Variants in CARD19 observed in about 807,000 individuals in gnomAD.
CARD19 encodes the protein caspase recruitment domain family member 19.
Under a neutral mutation model 24.1 loss-of-function variants are expected in CARD19, and 25 were observed. That is an observed-to-expected ratio of 1.04 (90% CI 0.76 to 1.45). The LOEUF (loss-of-function observed/expected upper bound fraction) is 1.45, where lower values mean the gene tolerates loss of function less well. Ranked by LOEUF, CARD19 falls within the 40% of genes most tolerant of loss-of-function variation. CARD19 has a pLI of 0.00. For synonymous variants in CARD19, 103 were observed against 104.9 expected (o/e 0.98, Z 0.11); for missense variants, 241 against 247.4 (o/e 0.97, Z 0.17).
chr9:93,108,785 A>C (rs1827358398), intron 2 of CARD19, among the ~76,000 whole-genome samples: 1 of 152,270 alleles, frequency 6.6e-6, no homozygotes, highest in Non-Finnish European at 1.5e-5. Context: ...TCAGAGCTGC[A>C]GAGCTGGGCA....
Position 93,112,278 on chromosome 9 carries a change from G to T in CARD19, c.425G>T (p.Cys142Phe). Residue 142 changes from cysteine (C) to phenylalanine (F), a missense_variant, in exon 5 of 6, where the codon TGC becomes TTC. Physicochemically the swap from Cys to Phe is radical, Grantham distance 205. Transcript: ENST00000375464. ...LAVGLALLLY[C>F]YPPDPKGLPG... The stretch of plus-strand genomic sequence containing the variant: ...GTGGGACTGGCCCTGCTCCTGTACT[G>T]CTATCCGCCAGGTGGGTGCAAGCGG... The T allele has an allele frequency of 6.5e-7, 1 of 1,544,102 alleles. No individual in the cohort carries two copies.
At chr9:93,103,646 A>G (rs1827158702) in intron 1 of CARD19, among the ~76,000 whole-genome samples, 1 of 152,174 alleles carries the variant, frequency 6.6e-6, no homozygotes, top group Non-Finnish European at 1.5e-5. Flanking sequence ...GTGCTGCTAT[A>G]ACAGAACACT....
chr9:93,100,602 T>TAC (rs1370698814), intron 1 of CARD19, among the ~76,000 whole-genome samples: 1 of 152,248 alleles, frequency 6.6e-6, no homozygotes, highest in Non-Finnish European at 1.5e-5. Flanking sequence ...TTTTTCAGTG[T>TAC]ACACTTCAGT....
At position 93,096,266 on chromosome 9, in the gene CARD19, T is replaced by C. The variant is rs1826852364; in HGVS notation, c.-80T>C. 8.2e-7 allele frequency: 1 copy of C among 1,214,030 alleles called. No individual in the cohort carries two copies. Among genetic ancestry groups the C allele is most frequent in the Non-Finnish European group, 1.0e-6 (1 of 974,668 alleles). The allele number at this position is 1,214,030 out of a possible 1,614,324, so 75.2% of individuals were successfully genotyped here. ...CGCGGGCGGCGTTCGCTGGAGCTGGTGGACCGGGCGGCTGACCGAGGGGCG... is the reference window on the plus strand; with the variant it reads ...CGCGGGCGGCGTTCGCTGGAGCTGGCGGACCGGGCGGCTGACCGAGGGGCG... On this transcript the variant is annotated 5_prime_UTR_variant, in exon 1 of 6. Coordinates refer to ENST00000375464, the MANE Select transcript of CARD19 (RefSeq NM_032310.5). The surrounding 1 kb of genome is among the most constrained non-coding windows in gnomAD (Gnocchi z 5.4).
chr9:93,111,090 G>A (rs1286792765), intron 3 of CARD19: 1 of 1,308,188 alleles, frequency 7.6e-7, no homozygotes. Context: ...TCCCACAGCT[G>A]CATGGCGCTC....
rs1826864985 is a variant in CARD19 at position 93,096,503 on chromosome 9, G to T, written c.7+151G>T. The T allele has an allele frequency of 1.4e-6, 1 of 723,684 alleles. No individual in the cohort carries two copies. The highest frequency in any genetic ancestry group is 1.9e-6 in the Non-Finnish European group (1 of 529,310). 44.8% of individuals were successfully genotyped at this position (723,684 alleles called of 1,614,324 possible). ...GGCCCGTCAGCTGTCGGTGGTGCGC[G>T]AGTGCACCCCCGCGAAGTGGTGGGT... On this transcript the variant is annotated intron_variant, in intron 1 of 5. Transcript: ENST00000375464. This position sits in a 1 kb window ranked among gnomAD's most constrained non-coding sequence, Gnocchi z 5.4.
chr9:93,100,364 G>A (rs1347816633), intron 1 of CARD19, among the ~76,000 whole-genome samples: 5 of 152,208 alleles, frequency 3.3e-5, no homozygotes, highest in African/African-American at 1.2e-4. Flanking sequence ...GGGCTGGAGT[G>A]CAGTGGCGCA....
intron 3 of CARD19, 85 bp from the exon 4 acceptor site, chr9:93,111,794 A>G (rs1827495744): frequency 5.1e-6 from 8 of 1,562,838 alleles, no homozygotes; most frequent in Non-Finnish European, 7.0e-6. Flanking sequence ...AGGAGGCAGC[A>G]GCAACCTTGG....
chr9:93,110,754 G>C, intron 3 of CARD19, 33 bp downstream of exon 3: 1 of 1,593,130 alleles, frequency 6.3e-7, no homozygotes, highest in Non-Finnish European at 8.5e-7. Context: ...TGCATGCTTG[G>C]TGCTGGCCCG....
intron 1 of CARD19, among the ~76,000 whole-genome samples, chr9:93,107,144 A>G (rs1181181023): frequency 6.6e-6 from 1 of 152,126 alleles, no homozygotes; most frequent in Non-Finnish European, 1.5e-5. Context: ...GTGTCCCTGT[A>G]TCTGTGCCAC....
chr9:93,105,141 T>C (rs1162343777), intron 1 of CARD19, among the ~76,000 whole-genome samples: 4 of 151,996 alleles, frequency 2.6e-5, no homozygotes, highest in Non-Finnish European at 5.9e-5. Flanking sequence ...CTGCATCCCT[T>C]AGGTTTTAGC....
chr9:93,098,050 C>T (rs534915609), intron 1 of CARD19, among the ~76,000 whole-genome samples: 3 of 152,366 alleles, frequency 2.0e-5, no homozygotes, highest in East Asian at 3.9e-4. Context: ...CTGTGAGCAG[C>T]GCATGTGAGC....
At position 93,113,240 on chromosome 9, in the gene CARD19, C is replaced by A; in HGVS notation, c.*133C>A. 1.7e-6 allele frequency: 1 copy of A among 605,812 alleles called. No homozygotes were observed. The highest frequency in any genetic ancestry group is 2.2e-5 in the South Asian group (1 of 46,504). The allele number at this position is 605,812 out of a possible 1,614,324, so 37.5% of individuals were successfully genotyped here. A position where few individuals can be genotyped will look rare whatever the true frequency, so the allele number is the denominator to read the frequency against. On this transcript the variant is annotated 3_prime_UTR_variant, in exon 6 of 6. Coordinates refer to ENST00000375464, the MANE Select transcript of CARD19 (RefSeq NM_032310.5). ...ATAATTTGTGTAAAAAACACACCTTCACCTTACAAGGTGCTGACCATATTA... is the reference window on the plus strand; with the variant it reads ...ATAATTTGTGTAAAAAACACACCTTAACCTTACAAGGTGCTGACCATATTA...
intron 3 of CARD19, chr9:93,111,264 C>T (rs1347297259): frequency 6.9e-6 from 8 of 1,163,542 alleles, no homozygotes; most frequent in East Asian, 6.6e-5. Flanking sequence ...AGTGTGGACT[C>T]AGGCCCTGGG....
chr9:93,111,671 G>C (rs1476379057), intron 3 of CARD19: 17 of 1,382,828 alleles, frequency 1.2e-5, no homozygotes, highest in Non-Finnish European at 4.7e-6. Flanking sequence ...GTGGCTCCCG[G>C]GTGCCTTTAG....
At chr9:93,098,734 C>T (rs562313425) in intron 1 of CARD19, among the ~76,000 whole-genome samples, 59 of 152,278 alleles carry the variant, frequency 3.9e-4, no homozygotes, top group Admixed American at 3.1e-3. Flanking sequence ...CCGGACCGTG[C>T]GGCCTGTGCC....
intron 1 of CARD19, among the ~76,000 whole-genome samples, chr9:93,098,806 C>A (rs1189105562): frequency 6.6e-6 from 1 of 151,702 alleles, no homozygotes; most frequent in Non-Finnish European, 1.5e-5. Flanking sequence ...GCCTGGTTAG[C>A]GGCTTGCAGG....
At chr9:93,111,518 G>A in intron 3 of CARD19, 1 of 1,156,512 alleles carries the variant, frequency 8.6e-7, no homozygotes, top group Non-Finnish European at 1.1e-6. Context: ...ACACAGTGCA[G>A]ACGGTGGGCG....
intron 1 of CARD19, among the ~76,000 whole-genome samples, chr9:93,101,958 A>ATT (rs34848135): frequency 3.0e-4 from 41 of 138,808 alleles, no homozygotes; most frequent in South Asian, 4.6e-4. Context: ...AATGATGAGC[A>ATT]TTTTTTTTTT....
Sources: allele counts gnomAD v4.1 joint callset (sites outside exome capture counted in the v4.1 genomes callset), GRCh38; gene constraint gnomAD v4.1.1; non-coding constraint Gnocchi (gnomAD v3.1); transcripts MANE v1.5; gene names NCBI Gene and HGNC (gene_info 2026-07-23, HGNC 2026-07-21).